Variants in ACBD6 observed in about 807,000 individuals in gnomAD.
ACBD6 encodes the protein acyl-CoA binding domain containing 6, also known as acyl-CoA-binding domain-containing protein 6.
In ACBD6, 28 loss-of-function variants were observed where a neutral mutation model predicts 37.2. That is an observed-to-expected ratio of 0.75 (90% CI 0.56 to 1.03). The LOEUF (loss-of-function observed/expected upper bound fraction) is 1.03. Ranked by LOEUF, ACBD6 falls within the 50% of genes least tolerant of loss-of-function variation. ACBD6 has a pLI of 0.00. For synonymous variants in ACBD6, 113 were observed against 126.8 expected, an observed-to-expected ratio of 0.89 and a Z score of 0.73; for missense variants, 340 against 337.4, an observed-to-expected ratio of 1.01 and a Z score of -0.06.
At chr1:180,493,730 T>C (rs1651618362) in intron 2 of ACBD6, among the ~76,000 whole-genome samples, 1 of 152,204 alleles carries the variant, frequency 6.6e-6, no homozygotes, top group Non-Finnish European at 1.5e-5. Context: ...ATAATGTCCT[T>C]TATGGCTTTC....
At chr1:180,295,569 C>G (rs190690575) in intron 7 of ACBD6, among the ~76,000 whole-genome samples, 2 of 151,810 alleles carry the variant, frequency 1.3e-5, no homozygotes, top group Admixed American at 1.3e-4. Context: ...GCAAGTCTAT[C>G]GGTGCCATTT....
At chr1:180,434,045 G>C (rs1378965443) in intron 3 of ACBD6, among the ~76,000 whole-genome samples, 1 of 152,060 alleles carries the variant, frequency 6.6e-6, no homozygotes, top group African/African-American at 2.4e-5. Context: ...AAAGTTCTAA[G>C]CCCTACAACC....
Position 180,464,625 on chromosome 1 carries a change from G to A in ACBD6, c.384+27644C>T, listed in dbSNP as rs12084845. Among the ~76,000 whole-genome samples, 3 of 152,044 alleles carry A rather than the reference G, an allele frequency of 2.0e-5. 1 individual carries two copies. In the South Asian group the frequency reaches 6.2e-4, roughly 32 times the overall value. On this transcript the variant is annotated intron_variant, in intron 3 of 7. Coordinates refer to ENST00000367595, the MANE Select transcript of ACBD6 (RefSeq NM_032360.4). ...GTTACACTACCCAAAGCAATTTACA[G>A]ATTAAATGCTATTCCTATCAAACTA...
intron 3 of ACBD6, 131 bp from the exon 4 acceptor site, chr1:180,430,393 A>T: frequency 2.6e-6 from 2 of 772,232 alleles, no homozygotes; most frequent in Non-Finnish European, 4.4e-6. Context: ...TTCAAACCCT[A>T]GTAAAACTTT....
chr1:180,497,650 C>T (rs937411105), intron 1 of ACBD6, among the ~76,000 whole-genome samples: 1 of 152,064 alleles, frequency 6.6e-6, no homozygotes, highest in Non-Finnish European at 1.5e-5. Flanking sequence ...AATAACATTT[C>T]ATGCAAAATA....
At chr1:180,490,025 TTCTG>T (rs1467148101) in intron 3 of ACBD6, among the ~76,000 whole-genome samples, 4 of 152,232 alleles carry the variant, frequency 2.6e-5, no homozygotes, top group Non-Finnish European at 5.9e-5. Flanking sequence ...AAATCATAAA[TTCTG>T]TCTTTTATCA....
intron 3 of ACBD6, among the ~76,000 whole-genome samples, chr1:180,458,405 C>A (rs1379164005): frequency 2.0e-5 from 3 of 152,108 alleles, no homozygotes; most frequent in African/African-American, 7.2e-5. Context: ...AATCAAGACA[C>A]CTGCTACCAA....
chr1:180,494,940 C>A (rs1395813438), intron 2 of ACBD6, among the ~76,000 whole-genome samples: 1 of 152,142 alleles, frequency 6.6e-6, no homozygotes, highest in Non-Finnish European at 1.5e-5. Context: ...CTGGTTTTGG[C>A]TTTTCACTGA....
At position 180,495,405 on chromosome 1, in the gene ACBD6, C is replaced by A. The variant is rs1651692558; in HGVS notation, c.287+56G>T. 2.3e-6 allele frequency: 3 copies of A among 1,303,566 alleles called. No individual in the cohort carries two copies. The African/African-American group carries it at 4.5e-5, about 19-fold the overall frequency. The allele number at this position is 1,303,566 out of a possible 1,614,324, so 80.7% of individuals were successfully genotyped here. On this transcript the variant is annotated intron_variant, in intron 2 of 7. Transcript: ENST00000367595. Reference sequence around the variant, plus strand: ...TTAATCAGCTCACTGCTTTCTAATTCCTAAACACCTAAGCCATTTCCAACA... The same window carrying A: ...TTAATCAGCTCACTGCTTTCTAATTACTAAACACCTAAGCCATTTCCAACA...
chr1:180,365,353 T>C (rs1484443473), intron 6 of ACBD6, among the ~76,000 whole-genome samples: 1 of 152,154 alleles, frequency 6.6e-6, no homozygotes, highest in African/African-American at 2.4e-5. Context: ...TAACTGACAG[T>C]TAATTATAAA....
intron 6 of ACBD6, among the ~76,000 whole-genome samples, chr1:180,385,796 C>G (rs965275371): frequency 6.6e-6 from 1 of 152,142 alleles, no homozygotes; most frequent in African/African-American, 2.4e-5. Context: ...GAATAAATGT[C>G]TGTTGTTTAT....
chr1:180,471,070 A>G (rs1052507922), intron 3 of ACBD6, among the ~76,000 whole-genome samples: 35 of 152,336 alleles, frequency 2.3e-4, no homozygotes, highest in African/African-American at 7.9e-4. Flanking sequence ...TTTGCAATTG[A>G]TATTTCTTTG....
At chr1:180,396,410 A>G (rs1345169208) in intron 6 of ACBD6, among the ~76,000 whole-genome samples, 2 of 152,156 alleles carry the variant, frequency 1.3e-5, no homozygotes, top group African/African-American at 2.4e-5. Context: ...CTAAAGTATG[A>G]CACCATAAAC....
intron 4 of ACBD6, among the ~76,000 whole-genome samples, chr1:180,423,155 T>A (rs182107473): frequency 2.9e-4 from 44 of 152,342 alleles, no homozygotes; most frequent in African/African-American, 1.0e-3. Context: ...TTTTTGGATA[T>A]TTTAGGCTAC....
rs199936146 is a variant in ACBD6 at position 180,384,134 on chromosome 1, T to TA, written c.663+13381dup. ...TGGCTAAGACTTTGAAAGCAGAGATTAAAAAAAAAAAACAAAAATAGCTAA... is the reference window on the plus strand; with the variant it reads ...TGGCTAAGACTTTGAAAGCAGAGATTAAAAAAAAAAAAACAAAAATAGCTAA... On this transcript the variant is annotated intron_variant, in intron 6 of 7. Coordinates refer to ENST00000367595, the MANE Select transcript of ACBD6 (RefSeq NM_032360.4). Among the ~76,000 whole-genome samples the TA allele has an allele frequency of 3.6e-3, 503 of 141,088 alleles. 3 individuals are homozygous for TA. In the East Asian group the frequency reaches 0.039, roughly 11 times the overall value. The allele number at this position is 141,088 out of a possible 152,430, so 92.6% of individuals were successfully genotyped here.
At chr1:180,346,778 T>C (rs888460302) in intron 6 of ACBD6, among the ~76,000 whole-genome samples, 4 of 152,198 alleles carry the variant, frequency 2.6e-5, no homozygotes, top group Admixed American at 2.6e-4. Context: ...AGCTCATGCC[T>C]GTAATCCCAA....
intron 6 of ACBD6, among the ~76,000 whole-genome samples, chr1:180,392,230 G>T (rs987635752): frequency 6.7e-6 from 1 of 150,330 alleles, no homozygotes; most frequent in African/African-American, 2.4e-5. Context: ...TGAAATAGGT[G>T]GTAGTTACAC....
chr1:180,307,448 A>G (rs1343322510), intron 7 of ACBD6, among the ~76,000 whole-genome samples: 1 of 152,238 alleles, frequency 6.6e-6, no homozygotes, highest in Non-Finnish European at 1.5e-5. Flanking sequence ...ATTTGACAGC[A>G]CAACAGGATG....
intron 5 of ACBD6, among the ~76,000 whole-genome samples, 163 bp downstream of exon 5, chr1:180,413,203 G>C (rs1160599940): frequency 6.6e-6 from 1 of 152,174 alleles, no homozygotes; most frequent in East Asian, 1.9e-4. Context: ...CATAATCACA[G>C]AACGTATCTT....
Sources: allele counts gnomAD v4.1 joint callset (sites outside exome capture counted in the v4.1 genomes callset), GRCh38; gene constraint gnomAD v4.1.1; transcripts MANE v1.5; gene names NCBI Gene and HGNC (gene_info 2026-07-23, HGNC 2026-07-21).